The following CEP120 variants were observed in gnomAD, a reference collection of about 807,000 sequenced individuals.
CEP120 encodes centrosomal protein of 120 kDa.
Under a neutral mutation model 126.5 loss-of-function variants are expected in CEP120, and 113 were observed. The ratio of observed to expected loss-of-function variants is 0.89; its 90% confidence interval spans 0.77 to 1.04. The LOEUF is 1.04. Among genes scored for constraint, CEP120 ranks in the 50% least tolerant of loss-of-function variants. The probability of loss-of-function intolerance (pLI) is 0.00; values close to 1 mark genes in which losing one functional copy is unlikely to be tolerated. For missense variants in CEP120, 1,230 were observed against 1,155.7 expected (o/e 1.06, Z -0.93); for synonymous variants, 400 against 394.3 (o/e 1.01, Z -0.17).
chr5:123,345,651 A>G lies in CEP120; in HGVS notation c.*868T>C, dbSNP rs1768758842. ...ATGAGTGAATCTCGTGCGCTTTTGA[A>G]AACGATTGATTGAAATTAGCGGGAG... On this transcript the variant is annotated 3_prime_UTR_variant, in exon 20 of 20. Coordinates refer to ENST00000306467, the MANE Select transcript of CEP120 (RefSeq NM_001375405.1). The G allele has an allele frequency of 6.6e-6, 1 of 152,166 alleles. No individual in the cohort carries two copies. Among genetic ancestry groups the G allele is most frequent in the Non-Finnish European group, 1.5e-5 (1 of 68,024 alleles). The allele number at this position is 152,166 out of a possible 1,614,324, so 9.4% of individuals were successfully genotyped here.
Position 123,382,990 on chromosome 5 carries a change from G to A in CEP120, c.1856C>T (p.Ser619Phe). The A allele has an allele frequency of 6.3e-7, 1 of 1,598,634 alleles. No homozygotes were observed. The highest frequency in any genetic ancestry group is 1.3e-5 in the African/African-American group (1 of 74,406). The change falls in exon 12 of 20, where the codon TCT becomes TTT. Residue 619 changes from serine to phenylalanine, a missense_variant. Coordinates refer to ENST00000306467, the MANE Select transcript of CEP120 (RefSeq NM_001375405.1). The stretch of plus-strand genomic sequence containing the variant: ...ATAACATTCAATTATATTTACCTGA[G>A]ATGAATCAGAGATAAAAATCTCACG... ...KMREIFISDS[S>F]QGVSAVQQKP...
chr5:123,386,671 GAATTTAA>G lies in CEP120; in HGVS notation c.1431-11_1431-5del, dbSNP rs1562047762. 1.2e-5 allele frequency: 4 copies of G among 325,546 alleles called. No individual in the cohort carries two copies. In the African/African-American group the frequency reaches 2.4e-4, roughly 20 times the overall value. The allele number at this position is 325,546 out of a possible 1,614,324, so 20.2% of individuals were successfully genotyped here. ...TCCAAAGAATGGATATGAGTACCTA[GAATTTAA>G]AAAAAAAAAAAAAAAAAAAAGCCTT... On this transcript the variant is annotated splice_polypyrimidine_tract_variant and splice_region_variant and intron_variant, in intron 9 of 19. Coordinates refer to ENST00000306467, the MANE Select transcript of CEP120 (RefSeq NM_001375405.1).
intron 4 of CEP120, chr5:123,401,215 G>T: frequency 1.2e-6 from 2 of 1,612,778 alleles, no homozygotes; most frequent in Non-Finnish European, 1.7e-6. Context: ...ACGTTCATCA[G>T]CTCCTGGTAC....
intron 4 of CEP120, chr5:123,401,083 T>G: frequency 6.3e-7 from 1 of 1,587,800 alleles, no homozygotes; most frequent in Non-Finnish European, 8.6e-7. Flanking sequence ...CTCAGACCAC[T>G]TGCATAGCCG....
chr5:123,376,490 T>C (rs542719916), intron 16 of CEP120, among the ~76,000 whole-genome samples: 1 of 152,230 alleles, frequency 6.6e-6, no homozygotes, highest in South Asian at 2.1e-4. Flanking sequence ...TTCTGATCTT[T>C]TTCCTATGAG....
In CEP120 at chr5:123,346,674, C is replaced by T. The variant is rs2303721; in HGVS notation, c.2806G>A (p.Val936Ile). The change falls in exon 20 of 20, where the codon GTA becomes ATA. Residue 936 changes from valine (V) to isoleucine (I), a missense_variant. Transcript: ENST00000306467. Reference sequence around the variant, plus strand: ...TAATCATCCAAACCTTCTTCCAATACACTGCCATGGGGGCCATCCTTTTTT... The same window carrying T: ...TAATCATCCAAACCTTCTTCCAATATACTGCCATGGGGGCCATCCTTTTTT... ...SGKKDGPHGSVLEEGLDDYLT... is the reference protein window; with the variant it reads ...SGKKDGPHGSILEEGLDDYLT... 48 of 1,613,950 alleles carry T rather than the reference C, an allele frequency of 3.0e-5. No homozygotes were observed. The highest frequency in any genetic ancestry group is 3.3e-4 in the Middle Eastern group (2 of 6,058).
intron 1 of CEP120, chr5:123,422,586 G>A: frequency 6.6e-7 from 1 of 1,516,544 alleles, no homozygotes; most frequent in Non-Finnish European, 8.9e-7. Context: ...CTGTATTCAA[G>A]TCAAAGCTCT....
intron 19 of CEP120, among the ~76,000 whole-genome samples, chr5:123,347,178 T>G (rs531115963): frequency 1.5e-3 from 235 of 152,292 alleles, no homozygotes; most frequent in African/African-American, 5.5e-3. Context: ...TGTATACTAC[T>G]TTTCTCATTT....
rs1773770261 is a variant in CEP120 at position 123,407,420 on chromosome 5, G to T, written c.463+4979C>A. ...AGATTAAAAGCTATACTAATCAAAA[G>T]AAAATGGTAGTAGTTATATTAATTT... is the stretch of plus-strand genomic sequence containing the variant. On this transcript the variant is annotated intron_variant, in intron 4 of 19. Transcript: ENST00000306467. Among the ~76,000 whole-genome samples, 4 of 152,174 alleles carry T rather than the reference G, an allele frequency of 2.6e-5. No individual in the cohort carries two copies. The South Asian group carries it at 8.3e-4, about 32-fold the overall frequency.
At chr5:123,410,018 G>A (rs187685961) in intron 4 of CEP120, among the ~76,000 whole-genome samples, 1 of 103,818 alleles carries the variant, frequency 9.6e-6, no homozygotes, top group African/African-American at 3.6e-5. Context: ...ACACACACAA[G>A]TGATTATAGC....
chr5:123,408,350 A>G (rs1489305554), intron 4 of CEP120, among the ~76,000 whole-genome samples: 2 of 152,074 alleles, frequency 1.3e-5, no homozygotes, highest in African/African-American at 4.8e-5. Context: ...GAAAAGATAA[A>G]TAAAATCAAT....
chr5:123,365,414 A>C (rs1382167759), intron 17 of CEP120, among the ~76,000 whole-genome samples: 1 of 151,772 alleles, frequency 6.6e-6, no homozygotes, highest in East Asian at 1.9e-4. Context: ...TAATGTAATA[A>C]TCTGCTTGAA....
At chr5:123,369,664 C>T (rs1377795947) in intron 17 of CEP120, among the ~76,000 whole-genome samples, 4 of 151,990 alleles carry the variant, frequency 2.6e-5, no homozygotes, top group African/African-American at 9.7e-5. Flanking sequence ...TCTCACAGAT[C>T]CCAATTAAAA....
At chr5:123,419,201 C>T (rs2127142538) in intron 1 of CEP120, among the ~76,000 whole-genome samples, 1 of 152,270 alleles carries the variant, frequency 6.6e-6, no homozygotes, top group Non-Finnish European at 1.5e-5. Context: ...ATGATCTCAA[C>T]AACATCTGGA....
chr5:123,355,702 G>A (rs1769555329), intron 18 of CEP120, among the ~76,000 whole-genome samples: 2 of 151,668 alleles, frequency 1.3e-5, no homozygotes, highest in East Asian at 1.9e-4. Context: ...AGATGAGTAG[G>A]TTGCAAAAAT....
chr5:123,387,339 C>A (rs1369789180), intron 9 of CEP120, among the ~76,000 whole-genome samples: 1 of 152,068 alleles, frequency 6.6e-6, no homozygotes, highest in Non-Finnish European at 1.5e-5. Flanking sequence ...AATTATATAT[C>A]CATTTAAATC....
chr5:123,350,975 C>T (rs1365676841), intron 18 of CEP120, among the ~76,000 whole-genome samples: 1 of 152,140 alleles, frequency 6.6e-6, no homozygotes, highest in East Asian at 1.9e-4. Context: ...CTCAGGAATC[C>T]TTACGTCATT....
At chr5:123,421,929 C>T (rs979102418) in intron 1 of CEP120, among the ~76,000 whole-genome samples, 1 of 152,204 alleles carries the variant, frequency 6.6e-6, no homozygotes, top group Admixed American at 6.5e-5. Context: ...ATCCCTCACA[C>T]AGTGCCAGGC....
chr5:123,388,749 A>G (rs142953296), intron 8 of CEP120, 143 bp from the exon 9 acceptor site: 34 of 553,780 alleles, frequency 6.1e-5, no homozygotes, highest in African/African-American at 4.2e-4. Context: ...GAATTGAGGT[A>G]TAAGTATCTT....
Sources: gnomAD v4.1 joint callset for allele counts (sites outside exome capture counted in the v4.1 genomes callset) on GRCh38, gnomAD v4.1.1 for gene constraint, MANE v1.5 for transcripts, NCBI Gene and HGNC (gene_info 2026-07-23, HGNC 2026-07-21) for gene names.